WWP1: variants seen among roughly 807,000 people sequenced by gnomAD.
WWP1 encodes the protein NEDD4-like E3 ubiquitin-protein ligase WWP1.
A neutral mutation model predicts 130.6 loss-of-function variants in WWP1; 49 were observed. The ratio of observed to expected loss-of-function variants is 0.38; its 90% CI spans 0.30 to 0.48. The LOEUF is 0.48. Ranked by LOEUF, WWP1 falls within the 20% of genes least tolerant of loss-of-function variation. WWP1 has a pLI of 0.99. For missense variants in WWP1, 809 were observed against 1,100.6 expected, an observed-to-expected ratio of 0.74 and a Z score of 3.75; for synonymous variants, 332 against 367.8, an observed-to-expected ratio of 0.90 and a Z score of 1.11.
At chr8:86,346,636 CT>C (rs1165555453) in intron 1 of WWP1, among the ~76,000 whole-genome samples, 8 of 152,052 alleles carry the variant, frequency 5.3e-5, no homozygotes, top group African/African-American at 1.9e-4. Context: ...GATTATCTCC[CT>C]GGTAATAGGT....
At chr8:86,442,407 G>A (rs1810640424) in intron 17 of WWP1, 1 of 378,122 alleles carries the variant, frequency 2.6e-6, no homozygotes, top group East Asian at 4.0e-5. Context: ...ATGAGGATCA[G>A]TGAATTTGTA....
At chr8:86,362,969 A>C (rs1311125418) in intron 1 of WWP1, among the ~76,000 whole-genome samples, 1 of 152,198 alleles carries the variant, frequency 6.6e-6, no homozygotes, top group African/African-American at 2.4e-5. Context: ...AATATTATTT[A>C]ATATTTTTCT....
intron 1 of WWP1, among the ~76,000 whole-genome samples, chr8:86,356,359 C>T (rs577542260): frequency 3.6e-4 from 54 of 151,854 alleles, no homozygotes; most frequent in South Asian, 2.1e-3. Flanking sequence ...CAGAAACATG[C>T]AGTATAGGAG....
chr8:86,456,188 A>C (rs1271646684), intron 21 of WWP1, among the ~76,000 whole-genome samples: 1 of 151,996 alleles, frequency 6.6e-6, no homozygotes, highest in Non-Finnish European at 1.5e-5. Flanking sequence ...AGTGAAAAAC[A>C]TAAGAGAAAT....
chr8:86,409,520 C>T (rs1808471092), intron 8 of WWP1, among the ~76,000 whole-genome samples: 1 of 150,030 alleles, frequency 6.7e-6, no homozygotes, highest in Admixed American at 6.6e-5. Context: ...AGGCGTGAGC[C>T]ACTGTGCCCA....
chr8:86,374,212 C>A (rs1824494536), intron 3 of WWP1, 92 bp downstream of exon 3: 3 of 1,061,814 alleles, frequency 2.8e-6, no homozygotes, highest in Non-Finnish European at 4.1e-6. Context: ...AATAGAATTT[C>A]TTTTAGATTC....
At chr8:86,427,615 ATTGT>A (rs768042837) in intron 10 of WWP1, 24 bp from the exon 11 acceptor site, 25 of 1,539,532 alleles carry the variant, frequency 1.6e-5, no homozygotes, top group South Asian at 6.4e-5. Context: ...TTGAGAGATT[ATTGT>A]TTATTATTGT....
intron 1 of WWP1, among the ~76,000 whole-genome samples, chr8:86,367,878 C>T (rs1223386588): frequency 2.0e-5 from 3 of 152,224 alleles, no homozygotes; most frequent in Admixed American, 1.3e-4. Flanking sequence ...AGCACTCTCT[C>T]ATTCTGTTCA....
At chr8:86,368,741 C>T (rs1824117278) in intron 1 of WWP1, among the ~76,000 whole-genome samples, 198 bp from the exon 2 acceptor site, 1 of 152,094 alleles carries the variant, frequency 6.6e-6, no homozygotes, top group African/African-American at 2.4e-5. Context: ...CTGGATGTGC[C>T]GTTCTTTCTG....
In WWP1 at chr8:86,433,867, G is replaced by A. The variant is rs557437019; in HGVS notation, c.1602-1585G>A. On this transcript the variant is annotated intron_variant, in intron 14 of 24. Transcript: ENST00000517970. ...CAGGAGGCAGAGGTTGCAGTGAGCC[G>A]AGATTGCACCATTGCACTCCAGCCT... 1.5e-4 allele frequency among the ~76,000 whole-genome samples: 23 copies of A among 151,928 alleles called. No individual in the cohort carries two copies. The South Asian group carries it at 4.6e-3, about 30-fold the overall frequency.
Position 86,402,018 on chromosome 8 carries a change from G to C in WWP1, c.540-1G>C. On this transcript the variant is annotated splice_acceptor_variant, in intron 7 of 24. Transcript: ENST00000517970. LOFTEE classifies it high-confidence loss of function. ...TTGAAATAAGGCATTTTTTTTTCAAGGTTGGCTGTTGAAGGCACGAATGGA... is the reference window on the plus strand; with the variant it reads ...TTGAAATAAGGCATTTTTTTTTCAACGTTGGCTGTTGAAGGCACGAATGGA... The C allele has an allele frequency of 6.5e-7, 1 of 1,543,164 alleles. No homozygotes were observed. Among genetic ancestry groups the C allele is most frequent in the Non-Finnish European group, 8.7e-7 (1 of 1,144,088 alleles).
At chr8:86,461,368 T>C in intron 23 of WWP1, 48 bp downstream of exon 23, 5 of 1,496,192 alleles carry the variant, frequency 3.3e-6, no homozygotes, top group Non-Finnish European at 4.7e-6. Context: ...TTTGTGATAA[T>C]AATGGCCTTT....
intron 21 of WWP1, among the ~76,000 whole-genome samples, chr8:86,455,441 A>G (rs1811382004): frequency 6.6e-6 from 1 of 151,986 alleles, no homozygotes; most frequent in South Asian, 2.1e-4. Flanking sequence ...GTAACCCACC[A>G]AAAAACTACT....
At chr8:86,447,180 C>A (rs1168807579) in intron 18 of WWP1, among the ~76,000 whole-genome samples, 1 of 152,194 alleles carries the variant, frequency 6.6e-6, no homozygotes, top group South Asian at 2.1e-4. Flanking sequence ...TGCCTAGGTA[C>A]AGGCATTGAG....
chr8:86,397,878 C>T (rs1241172972), intron 5 of WWP1, among the ~76,000 whole-genome samples: 1 of 152,196 alleles, frequency 6.6e-6, no homozygotes, highest in Non-Finnish European at 1.5e-5. Context: ...TGGTCCTCAA[C>T]ACTGTCCCTT....
intron 3 of WWP1, among the ~76,000 whole-genome samples, chr8:86,374,964 C>T (rs1456301763): frequency 1.3e-5 from 2 of 152,076 alleles, no homozygotes; most frequent in African/African-American, 2.4e-5. Flanking sequence ...CCTTTTGCAC[C>T]ACCCTCCCAA....
Position 86,411,943 on chromosome 8 carries a change from G to A in WWP1, c.1061+69G>A, listed in dbSNP as rs575043553. 13 of 1,372,794 alleles carry A rather than the reference G, an allele frequency of 9.5e-6. No individual in the cohort carries two copies. In the African/African-American group the frequency reaches 1.4e-4, roughly 15 times the overall value. The allele number at this position is 1,372,794 out of a possible 1,614,324, so 85.0% of individuals were successfully genotyped here. On this transcript the variant is annotated intron_variant, in intron 9 of 24. Coordinates refer to ENST00000517970, the MANE Select transcript of WWP1 (RefSeq NM_007013.4). ...CTCTGTTAACATACGATTATTGAATGTGTGCATAAAATGTTTTCATTGTTC... is the reference window on the plus strand; with the variant it reads ...CTCTGTTAACATACGATTATTGAATATGTGCATAAAATGTTTTCATTGTTC...
intron 9 of WWP1, among the ~76,000 whole-genome samples, chr8:86,421,425 A>G (rs1219569971): frequency 6.6e-6 from 1 of 152,202 alleles, no homozygotes; most frequent in Non-Finnish European, 1.5e-5. Flanking sequence ...GTTTCAGTAT[A>G]TATGGTTATC....
intron 1 of WWP1, among the ~76,000 whole-genome samples, chr8:86,356,939 A>G (rs965852387): frequency 2.6e-5 from 4 of 152,214 alleles, no homozygotes; most frequent in African/African-American, 9.6e-5. Context: ...ATGTTGGCCA[A>G]CGACTTCGTC....
Sources: allele counts gnomAD v4.1 joint callset (sites outside exome capture counted in the v4.1 genomes callset), GRCh38; gene constraint gnomAD v4.1.1; transcripts MANE v1.5; gene names NCBI Gene and HGNC (gene_info 2026-07-23, HGNC 2026-07-21).